FHIT: variants seen among roughly 807,000 people sequenced by gnomAD.
The protein encoded by FHIT is fragile histidine triad diadenosine triphosphatase, also known as bis(5'-adenosyl)-triphosphatase.
Under a neutral mutation model 17.9 loss-of-function variants are expected in FHIT, and 19 were observed. The ratio of observed to expected loss-of-function variants is 1.06; its 90% confidence interval spans 0.74 to 1.56. FHIT has a LOEUF of 1.56. FHIT is among the 40% of genes most tolerant of loss of function. The pLI is 0.00. For missense variants in FHIT, 248 were observed against 189.2 expected (o/e 1.31, Z -1.82); for synonymous variants, 81 against 69.7 (o/e 1.16, Z -0.81).
At chr3:60,713,483 C>G (rs1172149509) in intron 4 of FHIT, among the ~76,000 whole-genome samples, 8 of 149,556 alleles carry the variant, frequency 5.3e-5, no homozygotes, top group African/African-American at 2.0e-4. Flanking sequence ...ATTAATGAAT[C>G]CAGGAGCTGG....
intron 3 of FHIT, among the ~76,000 whole-genome samples, chr3:61,023,676 G>A (rs1008560046): frequency 8.5e-5 from 13 of 152,186 alleles, no homozygotes; most frequent in Middle Eastern, 3.4e-3. Context: ...ACAGAACAGA[G>A]GCCTGAGAAA....
chr3:60,310,264 C>T (rs1199241157), intron 5 of FHIT, among the ~76,000 whole-genome samples: 1 of 152,124 alleles, frequency 6.6e-6, no homozygotes, highest in Admixed American at 6.5e-5. Flanking sequence ...ACATCTGCCT[C>T]TCTGTTCTGT....
At chr3:60,213,507 G>C (rs1703552827) in intron 5 of FHIT, among the ~76,000 whole-genome samples, 1 of 152,152 alleles carries the variant, frequency 6.6e-6, no homozygotes, top group African/African-American at 2.4e-5. Flanking sequence ...CACTACACTG[G>C]CCATTTCCAC....
At chr3:60,939,176 G>T (rs1291311098) in intron 3 of FHIT, among the ~76,000 whole-genome samples, 3 of 152,044 alleles carry the variant, frequency 2.0e-5, no homozygotes, top group African/African-American at 7.2e-5. Flanking sequence ...ATTAACTAGG[G>T]CTCATATACA....
At chr3:60,587,487 TCTTTA>T (rs1184914525) in intron 4 of FHIT, among the ~76,000 whole-genome samples, 11 of 151,992 alleles carry the variant, frequency 7.2e-5, no homozygotes, top group African/African-American at 2.4e-4. Context: ...ACCTGCTTGT[TCTTTA>T]CTTGTATGCT....
chr3:60,989,611 A>C (rs1012205653), intron 3 of FHIT, among the ~76,000 whole-genome samples: 1 of 152,220 alleles, frequency 6.6e-6, no homozygotes, highest in African/African-American at 2.4e-5. Flanking sequence ...AAGTTCACAC[A>C]GCAAGTCAGC....
At position 60,142,445 on chromosome 3, in the gene FHIT, T is replaced by C. The variant is rs1242492397; in HGVS notation, c.104-128293A>G. On this transcript the variant is annotated intron_variant, in intron 5 of 9. Transcript: ENST00000492590. The stretch of plus-strand genomic sequence containing the variant: ...AAATTGTTGCTTAAAATTTTATTTA[T>C]ATATTTCTTCTTGAACCAGAAAAGA... 2.6e-5 allele frequency among the ~76,000 whole-genome samples: 4 copies of C among 152,176 alleles called. No homozygotes were observed. In the South Asian group the frequency reaches 8.3e-4, roughly 32 times the overall value.
At chr3:61,022,231 C>CT (rs1341023258) in intron 3 of FHIT, among the ~76,000 whole-genome samples, 1 of 152,266 alleles carries the variant, frequency 6.6e-6, no homozygotes, top group African/African-American at 2.4e-5. Flanking sequence ...CACAAATAAA[C>CT]TAGAAAATAT....
chr3:61,118,429 C>A (rs1244971714), intron 2 of FHIT, among the ~76,000 whole-genome samples: 1 of 152,184 alleles, frequency 6.6e-6, no homozygotes, highest in Non-Finnish European at 1.5e-5. Context: ...ACAATCCTAA[C>A]ACTGGGGTCT....
chr3:61,064,590 G>T (rs1470325262), intron 2 of FHIT, among the ~76,000 whole-genome samples: 2 of 152,090 alleles, frequency 1.3e-5, no homozygotes, highest in East Asian at 3.9e-4. Flanking sequence ...CAGAGTTCTA[G>T]CTTTTTGTTT....
chr3:61,108,396 G>A (rs1472926520), intron 2 of FHIT, among the ~76,000 whole-genome samples: 1 of 152,172 alleles, frequency 6.6e-6, no homozygotes, highest in Non-Finnish European at 1.5e-5. Context: ...TTTGGGCACT[G>A]GGGAAATAGC....
At chr3:60,180,056 T>C (rs767541593) in intron 5 of FHIT, among the ~76,000 whole-genome samples, 1 of 152,124 alleles carries the variant, frequency 6.6e-6, no homozygotes, top group Non-Finnish European at 1.5e-5. Flanking sequence ...TACACAGCTG[T>C]AACCACACAA....
At chr3:61,207,127 A>G (rs1376107863) in intron 1 of FHIT, among the ~76,000 whole-genome samples, 5 of 152,142 alleles carry the variant, frequency 3.3e-5, no homozygotes, top group Non-Finnish European at 5.9e-5. Flanking sequence ...ACGTTAATTG[A>G]TTTGCATATG....
chr3:60,610,446 C>T (rs1345381537), intron 4 of FHIT, among the ~76,000 whole-genome samples: 1 of 152,142 alleles, frequency 6.6e-6, no homozygotes, highest in Non-Finnish European at 1.5e-5. Flanking sequence ...GCTAGAGTTT[C>T]TACGCAATTC....
In FHIT at chr3:60,041,322, A is replaced by G. The variant is rs76649563; in HGVS notation, c.104-27170T>C. 7.5e-3 allele frequency among the ~76,000 whole-genome samples: 1,141 copies of G among 152,294 alleles called. 14 individuals carry two copies. The highest frequency in any genetic ancestry group is 0.026 in the African/African-American group (1,077 of 41,558). On this transcript the variant is annotated intron_variant, in intron 5 of 9. Coordinates refer to ENST00000492590, the MANE Select transcript of FHIT (RefSeq NM_002012.4). ...TTTGAGGAGAGGAAACCAACTCAGA[A>G]GTACCTTCATCCTCCTTTTAGTTTG... is the stretch of plus-strand genomic sequence containing the variant.
intron 5 of FHIT, among the ~76,000 whole-genome samples, chr3:60,235,234 G>GTTTTTTT: frequency 7.0e-6 from 1 of 143,086 alleles, no homozygotes; most frequent in South Asian, 2.2e-4. Context: ...TTTGTTTGTT[G>GTTTTTTT]TTTTTTTTTT....
chr3:60,072,161 G>A (rs1398958843), intron 5 of FHIT, among the ~76,000 whole-genome samples: 1 of 152,226 alleles, frequency 6.6e-6, no homozygotes, highest in African/African-American at 2.4e-5. Context: ...GCCTTAGCCT[G>A]ATGACAACAG....
chr3:59,964,697 T>C (rs1707841042), intron 7 of FHIT, among the ~76,000 whole-genome samples: 1 of 152,178 alleles, frequency 6.6e-6, no homozygotes, highest in African/African-American at 2.4e-5. Flanking sequence ...CCATTCCCAA[T>C]AGTTTTGAAC....
chr3:60,259,085 T>A (rs1379727990), intron 5 of FHIT, among the ~76,000 whole-genome samples: 1 of 150,640 alleles, frequency 6.6e-6, no homozygotes, highest in Non-Finnish European at 1.5e-5. Flanking sequence ...CTTGATGTGG[T>A]TCCGAAAGAT....
Sources: allele counts gnomAD v4.1 joint callset (sites outside exome capture counted in the v4.1 genomes callset), GRCh38; gene constraint gnomAD v4.1.1; transcripts MANE v1.5; gene names NCBI Gene and HGNC (gene_info 2026-07-23, HGNC 2026-07-21).